Variants in CNTN5 observed in about 807,000 individuals in gnomAD.
CNTN5 encodes contactin 5.
Under a neutral mutation model 129.1 loss-of-function variants are expected in CNTN5, and 77 were observed. That is an observed-to-expected ratio of 0.60 (90% CI 0.50 to 0.72). The LOEUF is 0.72. CNTN5 is among the 30% of genes least tolerant of loss of function. The probability of loss-of-function intolerance (pLI) is 0.00; values close to 1 mark genes in which losing one functional copy is unlikely to be tolerated. For missense variants in CNTN5, 1,478 were observed against 1,328.8 expected (o/e 1.11, Z -1.75); for synonymous variants, 509 against 465.6 (o/e 1.09, Z -1.20).
chr11:99,153,356 C>A (rs1860167161), intron 1 of CNTN5, among the ~76,000 whole-genome samples: 1 of 151,930 alleles, frequency 6.6e-6, no homozygotes, highest in South Asian at 2.1e-4. Flanking sequence ...AATTTTTTGT[C>A]AGATGGAGTT....
intron 6 of CNTN5, among the ~76,000 whole-genome samples, chr11:99,868,146 G>A (rs1311587660): frequency 1.3e-5 from 2 of 151,924 alleles, no homozygotes; most frequent in East Asian, 3.9e-4. Context: ...AACCCAGGAG[G>A]CGGAGGTTGT....
chr11:99,769,843 G>T (rs980162885), intron 3 of CNTN5, among the ~76,000 whole-genome samples: 2 of 150,846 alleles, frequency 1.3e-5, no homozygotes, highest in Non-Finnish European at 2.9e-5. Context: ...TCTGATTTAA[G>T]ATTGTTGACT....
At chr11:99,929,041 G>C (rs565709834) in intron 7 of CNTN5, among the ~76,000 whole-genome samples, 5 of 152,184 alleles carry the variant, frequency 3.3e-5, no homozygotes, top group African/African-American at 1.2e-4. Context: ...TCTCTCTCAC[G>C]TTTAAAGTTC....
rs186904400 is a variant in CNTN5, at chr11:99,459,380, T to C, written c.-70-96765T>C. Among the ~76,000 whole-genome samples the C allele has an allele frequency of 3.7e-3, 570 of 152,090 alleles. 2 individuals are homozygous for C. The highest frequency in any genetic ancestry group is 0.013 in the African/African-American group (542 of 41,538). On this transcript the variant is annotated intron_variant, in intron 2 of 24. Coordinates refer to ENST00000524871, the MANE Select transcript of CNTN5 (RefSeq NM_014361.4). ...GGATTTAAGTTGAATGAATAGTGACTCTCTTCCCTAAATATTTGGAAACAT... is the reference window on the plus strand; with the variant it reads ...GGATTTAAGTTGAATGAATAGTGACCCTCTTCCCTAAATATTTGGAAACAT...
At chr11:99,601,343 C>G (rs1276105792) in intron 3 of CNTN5, among the ~76,000 whole-genome samples, 1 of 152,124 alleles carries the variant, frequency 6.6e-6, no homozygotes, top group African/African-American at 2.4e-5. Flanking sequence ...TGTTTTCTTT[C>G]CTTCGGGCTG....
intron 6 of CNTN5, among the ~76,000 whole-genome samples, chr11:99,854,434 G>A (rs1283377024): frequency 6.6e-6 from 1 of 151,946 alleles, no homozygotes; most frequent in Non-Finnish European, 1.5e-5. Context: ...CACATTAGGA[G>A]GTCATTTTAA....
At chr11:99,330,751 C>A (rs1413060344) in intron 2 of CNTN5, among the ~76,000 whole-genome samples, 1 of 152,124 alleles carries the variant, frequency 6.6e-6, no homozygotes, top group Non-Finnish European at 1.5e-5. Context: ...CAATGACCCA[C>A]TCTTTGAAAA....
intron 6 of CNTN5, 44 bp downstream of exon 6, chr11:99,845,306 G>A (rs199659212): frequency 1.2e-4 from 100 of 850,592 alleles, no homozygotes; most frequent in Non-Finnish European, 1.5e-4. Context: ...TATATAGTGT[G>A]TATATACAGT....
At chr11:99,523,059 A>C (rs138866033) in intron 2 of CNTN5, among the ~76,000 whole-genome samples, 1 of 152,306 alleles carries the variant, frequency 6.6e-6, no homozygotes, top group East Asian at 1.9e-4. Flanking sequence ...AGCAATACCA[A>C]GCCATAGGCA....
In CNTN5 at chr11:99,309,044, T is replaced by C. The variant is rs1452310266; in HGVS notation, c.-209-16302T>C. Among the ~76,000 whole-genome samples, 3 of 152,146 alleles carry C rather than the reference T, an allele frequency of 2.0e-5. No individual in the cohort carries two copies. The East Asian group carries it at 5.8e-4, about 29-fold the overall frequency. On this transcript the variant is annotated intron_variant, in intron 1 of 24. Coordinates refer to ENST00000524871, the MANE Select transcript of CNTN5 (RefSeq NM_014361.4). Reference sequence around the variant, plus strand: ...TATTTCATCATCTACATATTTTCTATAGTTTTTCTGTTTCTTTAATATGCT... The same window carrying C: ...TATTTCATCATCTACATATTTTCTACAGTTTTTCTGTTTCTTTAATATGCT...
At chr11:99,857,315 G>A (rs1053362081) in intron 6 of CNTN5, among the ~76,000 whole-genome samples, 2 of 151,980 alleles carry the variant, frequency 1.3e-5, no homozygotes, top group Non-Finnish European at 2.9e-5. Context: ...TCAACACTTG[G>A]TGAATGCTGG....
chr11:99,771,344 GAATA>G (rs952569553), intron 3 of CNTN5, among the ~76,000 whole-genome samples: 16 of 151,860 alleles, frequency 1.1e-4, no homozygotes, highest in Admixed American at 7.2e-4. Flanking sequence ...ACTGATGAAT[GAATA>G]AAGTAAACGT....
intron 9 of CNTN5, among the ~76,000 whole-genome samples, chr11:100,030,693 T>C (rs1304374453): frequency 1.3e-5 from 2 of 150,842 alleles, no homozygotes; most frequent in Non-Finnish European, 3.0e-5. Flanking sequence ...AAATATTTTC[T>C]CTCTTTCTAG....
chr11:99,779,715 T>C (rs1945247398), intron 3 of CNTN5, among the ~76,000 whole-genome samples: 1 of 152,052 alleles, frequency 6.6e-6, no homozygotes, highest in Non-Finnish European at 1.5e-5. Context: ...TAAAAAAGTA[T>C]CTTGTAGCAA....
intron 3 of CNTN5, among the ~76,000 whole-genome samples, chr11:99,794,886 A>T (rs1047565290): frequency 4.6e-5 from 7 of 152,064 alleles, no homozygotes; most frequent in Non-Finnish European, 7.3e-5. Flanking sequence ...GGAGAATCTG[A>T]TGACTATGTG....
intron 3 of CNTN5, among the ~76,000 whole-genome samples, chr11:99,722,356 T>C (rs1943201374): frequency 6.6e-6 from 1 of 152,088 alleles, no homozygotes; most frequent in African/African-American, 2.4e-5. Context: ...CTGGAGGCAA[T>C]TATTCTTAGA....
chr11:99,888,335 C>T (rs1948954453), intron 6 of CNTN5, among the ~76,000 whole-genome samples: 1 of 152,122 alleles, frequency 6.6e-6, no homozygotes, highest in Admixed American at 6.5e-5. Flanking sequence ...TTATGATAAG[C>T]ATATGTGACC....
chr11:99,122,087 A>G (rs146659317), intron 1 of CNTN5, among the ~76,000 whole-genome samples: 76 of 152,174 alleles, frequency 5.0e-4, no homozygotes, highest in African/African-American at 1.7e-3. Flanking sequence ...GCACCCATTA[A>G]CTAGTCATTT....
At chr11:99,815,417 G>T (rs747637754) in intron 3 of CNTN5, among the ~76,000 whole-genome samples, 2 of 152,156 alleles carry the variant, frequency 1.3e-5, no homozygotes, top group African/African-American at 4.8e-5. Flanking sequence ...GGGCAGCTAA[G>T]AGGGCACCAA....
Sources: allele counts gnomAD v4.1 joint callset (sites outside exome capture counted in the v4.1 genomes callset), GRCh38; gene constraint gnomAD v4.1.1; transcripts MANE v1.5; gene names NCBI Gene and HGNC (gene_info 2026-07-23, HGNC 2026-07-21).